GSK3B: variants seen among roughly 807,000 people sequenced by gnomAD.
GSK3B encodes glycogen synthase kinase-3 beta.
A neutral mutation model predicts 56.4 loss-of-function variants in GSK3B; 15 were observed. The observed-to-expected ratio is 0.27, with a 90% CI of 0.18 to 0.41. The LOEUF is 0.41. Ranked by LOEUF, GSK3B falls within the 10% of genes least tolerant of loss-of-function variation. GSK3B has a pLI of 1.00. For missense variants in GSK3B, 300 were observed against 513.4 expected (o/e 0.58, Z 4.02); for synonymous variants, 181 against 188.9 (o/e 0.96, Z 0.34).
At chr3:119,950,270 T>C (rs1323728607) in intron 2 of GSK3B, among the ~76,000 whole-genome samples, 1 of 152,204 alleles carries the variant, frequency 6.6e-6, no homozygotes, top group African/African-American at 2.4e-5. Flanking sequence ...TCTGTTCCTA[T>C]TGCGTTACTT....
At chr3:120,037,602 C>T (rs2058033477) in intron 1 of GSK3B, among the ~76,000 whole-genome samples, 1 of 151,076 alleles carries the variant, frequency 6.6e-6, no homozygotes, top group African/African-American at 2.4e-5. Flanking sequence ...GGGAGAGACC[C>T]TATTTCAAAA....
chr3:119,973,299 C>T (rs2057383939), intron 2 of GSK3B, among the ~76,000 whole-genome samples: 2 of 152,302 alleles, frequency 1.3e-5, no homozygotes, highest in African/African-American at 2.4e-5. Context: ...TTAAATTGCA[C>T]ACTGTTCTGA....
In GSK3B at chr3:119,825,476, CA is replaced by C. The variant is rs150696846; in HGVS notation, c.*1311del. On this transcript the variant is annotated 3_prime_UTR_variant, in exon 11 of 11. Transcript: ENST00000264235. ...AACCAGTCAATTTTGATACTGTAGA[CA>C]AAAAAAAAGGCAGTATTGAATATAT... The C allele has an allele frequency of 4.5e-4, 99 of 221,798 alleles. No homozygotes were observed. The highest frequency in any genetic ancestry group is 7.5e-4 in the South Asian group (4 of 5,322). 13.7% of individuals were successfully genotyped at this position (221,798 alleles called of 1,614,324 possible). A position where few individuals can be genotyped will look rare whatever the true frequency, so the allele number is the denominator to read the frequency against.
chr3:119,967,856 C>T lies in GSK3B; in HGVS notation c.283-20505G>A, dbSNP rs527259406. Among the ~76,000 whole-genome samples the T allele has an allele frequency of 2.3e-5, 3 of 128,708 alleles. No homozygotes were observed. In the East Asian group the frequency reaches 6.4e-4, roughly 27 times the overall value. 84.4% of individuals were successfully genotyped at this position (128,708 alleles called of 152,430 possible). ...TCTTTCTCTCTCTCTCTCTCTCTCT[C>T]TCTCTCTCTCCTTTCTTTCTTGAAA... On this transcript the variant is annotated intron_variant, in intron 2 of 10. Transcript: ENST00000264235.
At chr3:120,081,225 C>A (rs2058416779) in intron 1 of GSK3B, among the ~76,000 whole-genome samples, 1 of 151,638 alleles carries the variant, frequency 6.6e-6, no homozygotes. Flanking sequence ...TGTCTCTTTC[C>A]TTTCCCTACT....
chr3:120,068,207 A>G (rs2058295886), intron 1 of GSK3B, among the ~76,000 whole-genome samples: 2 of 152,000 alleles, frequency 1.3e-5, no homozygotes, highest in East Asian at 3.9e-4. Context: ...CCTGATCAAC[A>G]TGGTGAAACT....
chr3:119,935,046 C>T (rs981842019), intron 3 of GSK3B, among the ~76,000 whole-genome samples: 2 of 151,990 alleles, frequency 1.3e-5, no homozygotes, highest in Non-Finnish European at 2.9e-5. Flanking sequence ...ATGATAATTA[C>T]CACCTCATTT....
chr3:120,061,572 CTAT>C (rs2058237145), intron 1 of GSK3B, among the ~76,000 whole-genome samples: 1 of 152,206 alleles, frequency 6.6e-6, no homozygotes. Flanking sequence ...TGTTTAGACA[CTAT>C]TATTGTTATT....
intron 7 of GSK3B, among the ~76,000 whole-genome samples, chr3:119,883,892 G>T (rs1396354351): frequency 1.3e-5 from 2 of 152,090 alleles, no homozygotes; most frequent in African/African-American, 4.8e-5. Context: ...GATCAGAAGA[G>T]AAAATAATAT....
intron 9 of GSK3B, among the ~76,000 whole-genome samples, chr3:119,844,558 G>A (rs996643806): frequency 7.2e-5 from 11 of 152,122 alleles, no homozygotes; most frequent in Non-Finnish European, 1.0e-4. Context: ...ACAGCTCTAC[G>A]CAAATAAACT....
chr3:120,077,617 T>C (rs186318002), intron 1 of GSK3B, among the ~76,000 whole-genome samples: 9 of 151,866 alleles, frequency 5.9e-5, no homozygotes, highest in Admixed American at 1.3e-4. Context: ...AGGCTTTTGT[T>C]AAGAGTTGAG....
At chr3:120,015,327 A>AACC (rs1370194453) in intron 1 of GSK3B, among the ~76,000 whole-genome samples, 1 of 152,188 alleles carries the variant, frequency 6.6e-6, no homozygotes, top group Non-Finnish European at 1.5e-5. Context: ...TAAAAGTCTG[A>AACC]ACCCCTTACT....
At chr3:120,002,342 TTA>T in intron 1 of GSK3B, 103 bp from the exon 2 acceptor site, 1 of 554,624 alleles carries the variant, frequency 1.8e-6, no homozygotes, top group Non-Finnish European at 2.8e-6. Flanking sequence ...ATTTTTTATT[TTA>T]TTTTTTTTTT....
chr3:119,886,180 A>C (rs758415409), intron 7 of GSK3B, among the ~76,000 whole-genome samples: 1 of 152,096 alleles, frequency 6.6e-6, no homozygotes, highest in Non-Finnish European at 1.5e-5. Flanking sequence ...TAAGAAATTT[A>C]AAACAAATCA....
intron 2 of GSK3B, among the ~76,000 whole-genome samples, chr3:119,969,391 A>G (rs150624435): frequency 9.5e-4 from 145 of 152,346 alleles, no homozygotes; most frequent in African/African-American, 3.4e-3. Flanking sequence ...GTACATGGAT[A>G]AGAACACTCA....
chr3:120,033,150 G>A (rs1173691305), intron 1 of GSK3B, among the ~76,000 whole-genome samples: 1 of 152,112 alleles, frequency 6.6e-6, no homozygotes, highest in Admixed American at 6.5e-5. Flanking sequence ...ATGTTTTCCA[G>A]GTTCATCCAT....
At chr3:120,089,105 A>C (rs1471512503) in intron 1 of GSK3B, among the ~76,000 whole-genome samples, 2 of 152,216 alleles carry the variant, frequency 1.3e-5, no homozygotes, top group African/African-American at 4.8e-5. Flanking sequence ...AAAGCGTGCA[A>C]GTACTGATTT....
chr3:120,080,371 C>T (rs375301932), intron 1 of GSK3B, among the ~76,000 whole-genome samples: 7 of 149,836 alleles, frequency 4.7e-5, no homozygotes, highest in East Asian at 2.0e-4. Context: ...GAGAAGACGA[C>T]GACACTCTTT....
At chr3:119,847,964 AGGATT>A (rs2055879039) in intron 9 of GSK3B, among the ~76,000 whole-genome samples, 2 of 152,240 alleles carry the variant, frequency 1.3e-5, no homozygotes, top group Admixed American at 1.3e-4. Context: ...TAGTGGAAAA[AGGATT>A]TGAGAAACAT....
Sources: allele counts gnomAD v4.1 joint callset (sites outside exome capture counted in the v4.1 genomes callset), GRCh38; gene constraint gnomAD v4.1.1; transcripts MANE v1.5; gene names NCBI Gene and HGNC (gene_info 2026-07-23, HGNC 2026-07-21).